BIRC5: variants seen among roughly 807,000 people sequenced by gnomAD.
BIRC5 encodes baculoviral IAP repeat-containing protein 5.
Under a neutral mutation model 15.8 loss-of-function variants are expected in BIRC5, and 8 were observed. That is an observed-to-expected ratio of 0.51 (90% CI 0.30 to 0.91). BIRC5 has a LOEUF of 0.91. BIRC5 is among the 40% of genes least tolerant of loss of function. BIRC5 has a pLI of 0.07. For synonymous variants in BIRC5, 56 were observed against 64.5 expected (o/e 0.87, Z 0.63); for missense variants, 163 against 178.6 (o/e 0.91, Z 0.50).
intron 3 of BIRC5, 83 bp downstream of exon 3, chr17:78,216,864 G>T: frequency 2.0e-6 from 2 of 1,014,564 alleles, no homozygotes; most frequent in Non-Finnish European, 1.4e-6. Flanking sequence ...GGGACTCTGT[G>T]TTTTCCTCAG....
At chr17:78,216,880 A>ATTT in intron 3 of BIRC5, 99 bp downstream of exon 3, 21 of 688,160 alleles carry the variant, frequency 3.1e-5, no homozygotes, top group East Asian at 6.8e-5. Context: ...CTCAGGAAGC[A>ATTT]TTTTTTTTTT....
chr17:78,217,840 T>C (rs2076490317), intron 3 of BIRC5, among the ~76,000 whole-genome samples: 1 of 151,844 alleles, frequency 6.6e-6, no homozygotes, highest in African/African-American at 2.4e-5. Flanking sequence ...TCACCTGGGC[T>C]GCAGTGCAGT....
At chr17:78,215,191 C>A in intron 2 of BIRC5, 1 of 167,288 alleles carries the variant, frequency 6.0e-6, no homozygotes, top group South Asian at 1.2e-4. Flanking sequence ...CTGAGGCGGG[C>A]GGATCACCTG....
chr17:78,223,760 G>A lies in BIRC5; in HGVS notation c.*206G>A. On this transcript the variant is annotated 3_prime_UTR_variant, in exon 4 of 4. Transcript: ENST00000350051. ...TCTGCCTGTGCAGCGGGTGCTGCTG[G>A]TAACAGTGGCTGCTTCTCTCTCTCT... 1 of 1,125,164 alleles carries A rather than the reference G, an allele frequency of 8.9e-7. No individual in the cohort carries two copies. Among genetic ancestry groups the A allele is most frequent in the Non-Finnish European group, 1.2e-6 (1 of 845,144 alleles). 69.7% of individuals were successfully genotyped at this position (1,125,164 alleles called of 1,614,324 possible).
intron 3 of BIRC5, among the ~76,000 whole-genome samples, 192 bp downstream of exon 3, chr17:78,216,973 G>A (rs149315349): frequency 0.021 from 3,215 of 151,658 alleles, 43 homozygotes; most frequent in Non-Finnish European, 0.03. Flanking sequence ...TCTGCCTCTC[G>A]GGTTCAAGTG....
chr17:78,220,081 A>G (rs1237931597), intron 3 of BIRC5, among the ~76,000 whole-genome samples: 3 of 152,172 alleles, frequency 2.0e-5, no homozygotes, highest in Non-Finnish European at 4.4e-5. Flanking sequence ...AGGGATGAAG[A>G]TGCAGTCTGG....
At position 78,224,064 on chromosome 17, in the gene BIRC5, G is replaced by T. The variant is rs77903511; in HGVS notation, c.*510G>T. On this transcript the variant is annotated 3_prime_UTR_variant, in exon 4 of 4. Coordinates refer to ENST00000350051, the MANE Select transcript of BIRC5 (RefSeq NM_001168.3). ...AGTTTTTTTGTTGTTGTGTTTTTTT[G>T]TTTTTTTTTTTTTGGTAGATGCATG... 0.14 allele frequency: 10,478 copies of T among 72,968 alleles called. 646 individuals carry two copies. The highest frequency in any genetic ancestry group is 0.3 in the Middle Eastern group (51 of 168). 4.5% of individuals were successfully genotyped at this position (72,968 alleles called of 1,614,324 possible). A position where few individuals can be genotyped will look rare whatever the true frequency, so the allele number is the denominator to read the frequency against.
In BIRC5 at chr17:78,223,722, C is replaced by T; in HGVS notation, c.*168C>T. 1 of 1,392,912 alleles carries T rather than the reference C, an allele frequency of 7.2e-7. No homozygotes were observed. The highest frequency in any genetic ancestry group is 9.4e-7 in the Non-Finnish European group (1 of 1,059,498). The allele number at this position is 1,392,912 out of a possible 1,614,324, so 86.3% of individuals were successfully genotyped here. The stretch of plus-strand genomic sequence containing the variant: ...TGCTCTTGTTTTGTCTTGAAAGTGG[C>T]ACCAGAGGTGCTTCTGCCTGTGCAG... On this transcript the variant is annotated 3_prime_UTR_variant, in exon 4 of 4. Coordinates refer to ENST00000350051, the MANE Select transcript of BIRC5 (RefSeq NM_001168.3).
chr17:78,223,774 T>TTCTC lies in BIRC5; in HGVS notation c.*234_*237dup, dbSNP rs369792774. On this transcript the variant is annotated 3_prime_UTR_variant, in exon 4 of 4. Coordinates refer to ENST00000350051, the MANE Select transcript of BIRC5 (RefSeq NM_001168.3). ...GGGTGCTGCTGGTAACAGTGGCTGC[T>TTCTC]TCTCTCTCTCTCTCTCTTTTTTGGG... is the stretch of plus-strand genomic sequence containing the variant. 7 of 962,910 alleles carry TTCTC rather than the reference T, an allele frequency of 7.3e-6. No homozygotes were observed. Among genetic ancestry groups the TTCTC allele is most frequent in the Admixed American group, 3.8e-5 (1 of 26,318 alleles). 59.6% of individuals were successfully genotyped at this position (962,910 alleles called of 1,614,324 possible).
intron 3 of BIRC5, among the ~76,000 whole-genome samples, chr17:78,221,015 G>A (rs1599031961): frequency 6.6e-6 from 1 of 152,216 alleles, no homozygotes; most frequent in Non-Finnish European, 1.5e-5. Context: ...GCTGAGGCCC[G>A]GCCATCCAGG....
At chr17:78,221,119 T>A (rs2076512445) in intron 3 of BIRC5, among the ~76,000 whole-genome samples, 1 of 152,208 alleles carries the variant, frequency 6.6e-6, no homozygotes. Context: ...TGAAAATCGA[T>A]CAGGAAATAA....
intron 1 of BIRC5, 118 bp downstream of exon 1, chr17:78,214,545 C>T (rs2076463761): frequency 1.6e-6 from 2 of 1,263,958 alleles, no homozygotes; most frequent in Non-Finnish European, 2.1e-6. Flanking sequence ...CTGTCCCCAG[C>T]GAGGCCACTG....
chr17:78,223,375 C>T, intron 3 of BIRC5, 90 bp from the exon 4 acceptor site: 12 of 1,269,948 alleles, frequency 9.4e-6, no homozygotes, highest in Non-Finnish European at 1.3e-5. Context: ...TCTCAGTGTT[C>T]CCTGATTGTT....
chr17:78,222,605 C>T (rs1378007789), intron 3 of BIRC5, among the ~76,000 whole-genome samples: 1 of 152,142 alleles, frequency 6.6e-6, no homozygotes, highest in East Asian at 1.9e-4. Context: ...GCAGAGGTTG[C>T]GGTGAGCCAA....
At chr17:78,220,071 A>T (rs1389732097) in intron 3 of BIRC5, among the ~76,000 whole-genome samples, 1 of 152,334 alleles carries the variant, frequency 6.6e-6, no homozygotes, top group African/African-American at 2.4e-5. Context: ...CTAGGGTTAC[A>T]GGGATGAAGA....
chr17:78,219,642 C>T (rs2076502404), intron 3 of BIRC5, among the ~76,000 whole-genome samples: 1 of 152,186 alleles, frequency 6.6e-6, no homozygotes, highest in South Asian at 2.1e-4. Context: ...TCATCTTTTT[C>T]CAGGTCAGGG....
intron 2 of BIRC5, chr17:78,216,066 G>A (rs761312890): frequency 8.1e-5 from 60 of 740,854 alleles, no homozygotes; most frequent in Middle Eastern, 7.4e-4. Context: ...TGGCTAATAC[G>A]GTGAAACCCC....
At chr17:78,218,419 G>C (rs554290806) in intron 3 of BIRC5, among the ~76,000 whole-genome samples, 1 of 149,484 alleles carries the variant, frequency 6.7e-6, no homozygotes, top group Non-Finnish European at 1.5e-5. Context: ...TTAGCCTCCC[G>C]AGTAGCTGGG....
At chr17:78,222,199 C>T (rs1235481180) in intron 3 of BIRC5, among the ~76,000 whole-genome samples, 1 of 134,724 alleles carries the variant, frequency 7.4e-6, no homozygotes, top group East Asian at 2.1e-4. Context: ...GAGACCCTGT[C>T]TCTAAAAAAA....
Sources: gnomAD v4.1 joint callset for allele counts (sites outside exome capture counted in the v4.1 genomes callset) on GRCh38, gnomAD v4.1.1 for gene constraint, MANE v1.5 for transcripts, NCBI Gene and HGNC (gene_info 2026-07-23, HGNC 2026-07-21) for gene names.